Variants in GNA12 observed in about 807,000 individuals in gnomAD.
GNA12 encodes G protein subunit alpha 12.
In GNA12, 9 loss-of-function variants were observed where a neutral mutation model predicts 26.0. That is an observed-to-expected ratio of 0.35 (90% CI 0.21 to 0.60). The LOEUF (loss-of-function observed/expected upper bound fraction) is 0.60. Ranked by LOEUF, GNA12 falls within the 20% of genes least tolerant of loss-of-function variation. The pLI is 0.78. For missense variants in GNA12, 405 were observed against 525.8 expected (o/e 0.77, Z 2.25); for synonymous variants, 264 against 219.6 (o/e 1.20, Z -1.79).
At chr7:2,824,715 A>G (rs1793444731) in intron 1 of GNA12, among the ~76,000 whole-genome samples, 1 of 152,186 alleles carries the variant, frequency 6.6e-6, no homozygotes, top group African/African-American at 2.4e-5. Context: ...CCACAGTTCA[A>G]TCAGTCAGCC....
intron 2 of GNA12, among the ~76,000 whole-genome samples, chr7:2,781,790 T>C (rs1429076036): frequency 6.6e-6 from 1 of 152,146 alleles, no homozygotes; most frequent in African/African-American, 2.4e-5. Context: ...CAAGTCCATG[T>C]TATTCTTCAT....
intron 2 of GNA12, among the ~76,000 whole-genome samples, chr7:2,757,332 C>T (rs913099143): frequency 2.0e-5 from 3 of 151,740 alleles, no homozygotes; most frequent in African/African-American, 7.3e-5. Flanking sequence ...GACAGGGTTT[C>T]GCCATGTCAG....
chr7:2,752,648 A>G (rs564332963), intron 2 of GNA12, among the ~76,000 whole-genome samples: 1 of 152,370 alleles, frequency 6.6e-6, no homozygotes, highest in African/African-American at 2.4e-5. Flanking sequence ...TATGTTTTAC[A>G]TACTGCCAAT....
chr7:2,735,360 C>T (rs1057015294), intron 2 of GNA12, among the ~76,000 whole-genome samples: 1 of 152,238 alleles, frequency 6.6e-6, no homozygotes, highest in African/African-American at 2.4e-5. Flanking sequence ...AGAGGCAGTT[C>T]TCCTGCAGGG....
chr7:2,770,613 G>A (rs1322659099), intron 2 of GNA12, among the ~76,000 whole-genome samples: 1 of 151,950 alleles, frequency 6.6e-6, no homozygotes, highest in Non-Finnish European at 1.5e-5. Flanking sequence ...TCCAGCCTGG[G>A]CCACATAGTG....
chr7:2,735,784 G>T (rs1051106533), intron 2 of GNA12, among the ~76,000 whole-genome samples: 2 of 152,172 alleles, frequency 1.3e-5, no homozygotes, highest in Non-Finnish European at 2.9e-5. Flanking sequence ...CTAGTTTCAT[G>T]TCAGGGCGGC....
At chr7:2,819,818 C>T (rs1310895553) in intron 1 of GNA12, among the ~76,000 whole-genome samples, 3 of 152,156 alleles carry the variant, frequency 2.0e-5, no homozygotes, top group Non-Finnish European at 2.9e-5. Flanking sequence ...CAGAAACACT[C>T]GGGTAGCTCG....
intron 2 of GNA12, among the ~76,000 whole-genome samples, chr7:2,773,334 T>G (rs755063516): frequency 1.3e-5 from 2 of 152,166 alleles, no homozygotes; most frequent in African/African-American, 4.8e-5. Flanking sequence ...GAGGCCGACA[T>G]GGGTGATCAC....
chr7:2,776,242 T>TGGGTCTTAACCAGAGTGAACACTG (rs1249358717), intron 2 of GNA12, among the ~76,000 whole-genome samples: 1 of 152,132 alleles, frequency 6.6e-6, no homozygotes, highest in Non-Finnish European at 1.5e-5. Context: ...AGCCAACAAA[T>TGGGTCTTAACCAGAGTGAACACTG]GGGTCTTAAC....
intron 1 of GNA12, among the ~76,000 whole-genome samples, chr7:2,824,416 C>A (rs1323226888): frequency 1.3e-5 from 2 of 152,200 alleles, no homozygotes; most frequent in Admixed American, 1.3e-4. Context: ...GAGGCCTCTG[C>A]ACTTGGGGTG....
intron 1 of GNA12, among the ~76,000 whole-genome samples, chr7:2,798,220 CAA>C (rs1305350703): frequency 6.6e-6 from 1 of 151,856 alleles, no homozygotes; most frequent in Non-Finnish European, 1.5e-5. Context: ...ATTAGACACA[CAA>C]AAAAAGAAAA....
At chr7:2,815,189 T>C (rs1252923363) in intron 1 of GNA12, 2 of 449,736 alleles carry the variant, frequency 4.4e-6, no homozygotes, top group Non-Finnish European at 8.1e-6. Flanking sequence ...GTGCCTGCGG[T>C]CCGGCACTGT....
chr7:2,728,313 T>G lies in GNA12; in HGVS notation c.*2868A>C, dbSNP rs1789712724. On this transcript the variant is annotated 3_prime_UTR_variant, in exon 4 of 4. Coordinates refer to ENST00000275364, the MANE Select transcript of GNA12 (RefSeq NM_007353.3). The stretch of plus-strand genomic sequence containing the variant: ...TCTGTGCCCAGAACCCCTAAATTAG[T>G]TACAACTAATAATCTTCTTTCAAGA... The G allele has an allele frequency of 6.6e-6, 1 of 152,292 alleles. No individual in the cohort carries two copies. The allele number at this position is 152,292 out of a possible 1,614,324, so 9.4% of individuals were successfully genotyped here. A position where few individuals can be genotyped will look rare whatever the true frequency, so the allele number is the denominator to read the frequency against.
At chr7:2,810,057 G>A (rs1333451117) in intron 1 of GNA12, among the ~76,000 whole-genome samples, 1 of 152,226 alleles carries the variant, frequency 6.6e-6, no homozygotes, top group Non-Finnish European at 1.5e-5. Context: ...AACCCCAGGA[G>A]GGGAGAGGAT....
At chr7:2,800,438 C>CCA (rs977370308) in intron 1 of GNA12, among the ~76,000 whole-genome samples, 2 of 152,168 alleles carry the variant, frequency 1.3e-5, no homozygotes, top group African/African-American at 2.4e-5. Context: ...GGGCGCACAA[C>CCA]CACACACAGT....
intron 1 of GNA12, among the ~76,000 whole-genome samples, chr7:2,797,033 C>A (rs1361599210): frequency 2.6e-5 from 4 of 152,200 alleles, no homozygotes; most frequent in Non-Finnish European, 4.4e-5. Context: ...CACATCTGTC[C>A]ATCTGGAAAA....
intron 2 of GNA12, among the ~76,000 whole-genome samples, chr7:2,787,187 T>A (rs1262504308): frequency 1.3e-5 from 2 of 152,192 alleles, no homozygotes; most frequent in African/African-American, 2.4e-5. Context: ...CGAGGTGGCC[T>A]GTGAATCCCT....
rs865922716 is a variant in GNA12, at chr7:2,762,391, T to G, written c.526-28890A>C. ...CACGGTATGGCGGTTCCCACTTTCC[T>G]CACTGAGGAAACCAAAGCTTAGACG... On this transcript the variant is annotated intron_variant, in intron 2 of 3. Coordinates refer to ENST00000275364, the MANE Select transcript of GNA12 (RefSeq NM_007353.3). 2.2e-5 allele frequency: 10 copies of G among 451,084 alleles called. No homozygotes were observed. The Admixed American group carries it at 2.6e-4, about 12-fold the overall frequency. The allele number at this position is 451,084 out of a possible 1,614,324, so 27.9% of individuals were successfully genotyped here. A position where few individuals can be genotyped will look rare whatever the true frequency, so the allele number is the denominator to read the frequency against.
intron 2 of GNA12, among the ~76,000 whole-genome samples, chr7:2,761,750 G>T (rs1420722788): frequency 1.3e-5 from 2 of 152,178 alleles, no homozygotes; most frequent in Non-Finnish European, 2.9e-5. Flanking sequence ...ATGGGCCACT[G>T]GAAAATGAAA....
Sources: allele counts gnomAD v4.1 joint callset (sites outside exome capture counted in the v4.1 genomes callset), GRCh38; gene constraint gnomAD v4.1.1; transcripts MANE v1.5; gene names NCBI Gene and HGNC (gene_info 2026-07-23, HGNC 2026-07-21).